Variants in TRPC4AP observed in about 807,000 individuals in gnomAD.
TRPC4AP encodes the protein transient receptor potential cation channel subfamily C member 4 associated protein, also known as short transient receptor potential channel 4-associated protein.
TRPC4AP carries 45 observed loss-of-function variants against 99.0 expected under a neutral mutation model. That is an observed-to-expected ratio of 0.45 (90% CI 0.36 to 0.58). The LOEUF is 0.58. Among genes scored for constraint, TRPC4AP ranks in the 20% least tolerant of loss-of-function variants. The pLI is 0.00. For synonymous variants in TRPC4AP, 408 were observed against 385.8 expected, an observed-to-expected ratio of 1.06 and a Z score of -0.67; for missense variants, 879 against 985.3, an observed-to-expected ratio of 0.89 and a Z score of 1.44.
intron 1 of TRPC4AP, among the ~76,000 whole-genome samples, chr20:35,084,618 T>TA (rs1335799773): frequency 4.9e-5 from 6 of 121,558 alleles, no homozygotes; most frequent in Non-Finnish European, 1.0e-4. Flanking sequence ...GTATATATGT[T>TA]TATATGCATA....
intron 14 of TRPC4AP, among the ~76,000 whole-genome samples, chr20:35,006,956 T>A (rs2082530425): frequency 6.6e-6 from 1 of 152,264 alleles, no homozygotes; most frequent in African/African-American, 2.4e-5. Flanking sequence ...AAGGACAGAA[T>A]TTAAAAGCAA....
chr20:35,079,860 T>TAAA lies in TRPC4AP; in HGVS notation c.169-1689_169-1687dup, dbSNP rs71196784. 2.1e-5 allele frequency among the ~76,000 whole-genome samples: 3 copies of TAAA among 144,508 alleles called. No individual in the cohort carries two copies. In the South Asian group the frequency reaches 6.6e-4, roughly 32 times the overall value. 94.8% of individuals were successfully genotyped at this position (144,508 alleles called of 152,430 possible). ...AGCGAGAGCTCGCCTCTACTAAAAA[T>TAAA]AAAAAAAAAAAATAAGCCAAGGGTG... On this transcript the variant is annotated intron_variant, in intron 1 of 18. Coordinates refer to ENST00000252015, the MANE Select transcript of TRPC4AP (RefSeq NM_015638.3).
At chr20:35,085,037 G>C (rs2084799510) in intron 1 of TRPC4AP, among the ~76,000 whole-genome samples, 1 of 152,094 alleles carries the variant, frequency 6.6e-6, no homozygotes, top group African/African-American at 2.4e-5. Flanking sequence ...AAAATAGATA[G>C]TATCTAAAAG....
chr20:35,059,423 GC>G (rs1405910230), intron 3 of TRPC4AP, among the ~76,000 whole-genome samples: 3 of 152,184 alleles, frequency 2.0e-5, no homozygotes, highest in African/African-American at 7.2e-5. Context: ...ACTCTGGGCG[GC>G]TGAGGTGGGA....
chr20:35,028,383 C>T (rs1027606989), intron 8 of TRPC4AP, among the ~76,000 whole-genome samples: 1 of 151,936 alleles, frequency 6.6e-6, no homozygotes, highest in African/African-American at 2.4e-5. Context: ...TGAGCCACCG[C>T]GCCCGGCCTC....
intron 3 of TRPC4AP, among the ~76,000 whole-genome samples, chr20:35,061,328 A>G (rs1347441270): frequency 1.3e-5 from 2 of 152,224 alleles, no homozygotes; most frequent in Non-Finnish European, 1.5e-5. Flanking sequence ...AAAGAAATTA[A>G]AGACAATCTA....
chr20:35,028,816 T>TA (rs1175250642), intron 8 of TRPC4AP, among the ~76,000 whole-genome samples: 1 of 152,228 alleles, frequency 6.6e-6, no homozygotes, highest in African/African-American at 2.4e-5. Flanking sequence ...TCCAATCTGT[T>TA]AGTTTTTGCT....
chr20:35,067,342 AAC>A (rs2084170996), intron 3 of TRPC4AP, among the ~76,000 whole-genome samples: 1 of 152,202 alleles, frequency 6.6e-6, no homozygotes, highest in Admixed American at 6.5e-5. Context: ...TAAATTTTAA[AAC>A]ACTTTCAAAA....
chr20:35,044,471 T>C, intron 7 of TRPC4AP, 34 bp downstream of exon 7: 2 of 1,592,060 alleles, frequency 1.3e-6, no homozygotes, highest in East Asian at 4.5e-5. Context: ...CTCAGAGCTA[T>C]AATCTCAAAA....
rs528574588 is a variant in TRPC4AP, at chr20:35,039,092, A to G, written c.866-3784T>C. 2.0e-5 allele frequency among the ~76,000 whole-genome samples: 3 copies of G among 152,344 alleles called. No individual in the cohort carries two copies. The East Asian group carries it at 5.8e-4, about 29-fold the overall frequency. Reference sequence around the variant, plus strand: ...TGTCTCAAAATAAAACAAAGCAAAAAAAACAAAAAAGAAATAAAAAGAATT... The same window carrying G: ...TGTCTCAAAATAAAACAAAGCAAAAGAAACAAAAAAGAAATAAAAAGAATT... On this transcript the variant is annotated intron_variant, in intron 7 of 18. Coordinates refer to ENST00000252015, the MANE Select transcript of TRPC4AP (RefSeq NM_015638.3).
At position 35,064,172 on chromosome 20, in the gene TRPC4AP, G is replaced by A. The variant is rs116410483; in HGVS notation, c.414+5124C>T. On this transcript the variant is annotated intron_variant, in intron 3 of 18. Transcript: ENST00000252015. The stretch of plus-strand genomic sequence containing the variant: ...ATGTTTAAAGACATTCCCTATATAC[G>A]TATGTATTTTTTATTATTGTTTAAA... Among the ~76,000 whole-genome samples, 1,342 of 152,194 alleles carry A rather than the reference G, an allele frequency of 8.8e-3. 21 individuals are homozygous for A. The highest frequency in any genetic ancestry group is 0.031 in the African/African-American group (1,285 of 41,526).
At chr20:35,059,896 TGAA>T (rs2083946716) in intron 3 of TRPC4AP, among the ~76,000 whole-genome samples, 1 of 142,332 alleles carries the variant, frequency 7.0e-6, no homozygotes, top group Non-Finnish European at 1.5e-5. Context: ...AAGATGAAGA[TGAA>T]GAAGACGAAG....
intron 2 of TRPC4AP, among the ~76,000 whole-genome samples, chr20:35,074,155 C>T (rs536912281): frequency 6.6e-6 from 1 of 151,840 alleles, no homozygotes; most frequent in African/African-American, 2.4e-5. Context: ...CTATTTGATT[C>T]TTCTCTCTTT....
chr20:35,066,205 C>A (rs1400310663), intron 3 of TRPC4AP, among the ~76,000 whole-genome samples: 1 of 151,990 alleles, frequency 6.6e-6, no homozygotes, highest in Non-Finnish European at 1.5e-5. Flanking sequence ...CCGGACTCAA[C>A]CAATCCTCCC....
At chr20:35,057,673 T>C in intron 3 of TRPC4AP, 102 bp from the exon 4 acceptor site, 4 of 901,102 alleles carry the variant, frequency 4.4e-6, no homozygotes, top group East Asian at 2.9e-5. Flanking sequence ...GTCACAGTAT[T>C]ACAAGACCCT....
intron 6 of TRPC4AP, among the ~76,000 whole-genome samples, chr20:35,045,462 C>G (rs2083539047): frequency 6.6e-6 from 1 of 152,180 alleles, no homozygotes; most frequent in African/African-American, 2.4e-5. Context: ...ACTCAAACTC[C>G]TAGGCCCAAG....
rs1472999587 is a variant in TRPC4AP, at chr20:35,007,645, G to A, written c.1596-5C>T. ...ACAGCCCGAGCTTGCCAAAACCTGCGACCCAAATACTGGCTCAGGTGGCTA... is the reference window on the plus strand; with the variant it reads ...ACAGCCCGAGCTTGCCAAAACCTGCAACCCAAATACTGGCTCAGGTGGCTA... On this transcript the variant is annotated splice_region_variant and splice_polypyrimidine_tract_variant and intron_variant, in intron 13 of 18. Coordinates refer to ENST00000252015, the MANE Select transcript of TRPC4AP (RefSeq NM_015638.3). The A allele has an allele frequency of 3.7e-6, 6 of 1,614,042 alleles. No individual in the cohort carries two copies. The highest frequency in any genetic ancestry group is 1.7e-5 in the Admixed American group (1 of 60,004).
At chr20:35,079,214 G>T (rs1182529809) in intron 1 of TRPC4AP, among the ~76,000 whole-genome samples, 2 of 152,074 alleles carry the variant, frequency 1.3e-5, no homozygotes, top group African/African-American at 4.8e-5. Flanking sequence ...AATTCTCCAA[G>T]AAGACATAAC....
Position 35,027,702 on chromosome 20 carries a change from C to T in TRPC4AP, c.1052-6346G>A, listed in dbSNP as rs1008439653. 3.3e-5 allele frequency among the ~76,000 whole-genome samples: 5 copies of T among 152,288 alleles called. 1 individual carries two copies. In the Middle Eastern group the frequency reaches 0.01, roughly 311 times the overall value. On this transcript the variant is annotated intron_variant, in intron 8 of 18. Coordinates refer to ENST00000252015, the MANE Select transcript of TRPC4AP (RefSeq NM_015638.3). ...TTATTTATTCAATCTCGTTGTTATA[C>T]TTCAGGTTTTCTATTTCTTCCTGAG...
Sources: allele counts gnomAD v4.1 joint callset (sites outside exome capture counted in the v4.1 genomes callset), GRCh38; gene constraint gnomAD v4.1.1; transcripts MANE v1.5; gene names NCBI Gene and HGNC (gene_info 2026-07-23, HGNC 2026-07-21).